Variants in SASS6 observed in about 807,000 individuals in gnomAD.
SASS6 encodes SAS-6 centriolar assembly protein.
In SASS6, 59 loss-of-function variants were observed where a neutral mutation model predicts 94.9. The observed-to-expected ratio is 0.62, with a 90% CI of 0.50 to 0.77. The LOEUF is 0.77. Among genes scored for constraint, SASS6 ranks in the 30% least tolerant of loss-of-function variants. SASS6 has a pLI of 0.00. For synonymous variants in SASS6, 264 were observed against 270.0 expected (o/e 0.98, Z 0.22); for missense variants, 698 against 734.1 (o/e 0.95, Z 0.57).
chr1:100,106,375 T>C (rs886465666), intron 12 of SASS6, among the ~76,000 whole-genome samples: 5 of 152,204 alleles, frequency 3.3e-5, no homozygotes, highest in African/African-American at 1.2e-4. Flanking sequence ...ACAGTTTTAA[T>C]TGTGGGTTAC....
chr1:100,124,188 T>C (rs1440421749), intron 2 of SASS6, among the ~76,000 whole-genome samples: 1 of 152,172 alleles, frequency 6.6e-6, no homozygotes, highest in Non-Finnish European at 1.5e-5. Context: ...AAGTATAATA[T>C]ATCATCTCTA....
intron 5 of SASS6, among the ~76,000 whole-genome samples, chr1:100,120,694 G>C (rs1253857565): frequency 6.6e-6 from 1 of 152,180 alleles, no homozygotes; most frequent in African/African-American, 2.4e-5. Flanking sequence ...TCCCTATGTT[G>C]TTTCCTTGTG....
intron 2 of SASS6, among the ~76,000 whole-genome samples, chr1:100,125,009 C>T (rs1172002013): frequency 3.3e-5 from 5 of 152,094 alleles, no homozygotes; most frequent in South Asian, 2.1e-4. Context: ...GGCCACAGAC[C>T]GTACCAGTAA....
At chr1:100,112,766 T>C (rs557225933) in intron 7 of SASS6, among the ~76,000 whole-genome samples, 16 of 152,322 alleles carry the variant, frequency 1.1e-4, no homozygotes, top group Admixed American at 2.0e-4. Context: ...GTTATCAAAG[T>C]ACGGTCCTCT....
Position 100,088,210 on chromosome 1 carries a change from T to C in SASS6, c.1701A>G (p.Lys567=). The change falls in exon 15 of 17, where the codon AAA becomes AAG. Residue 567 remains lysine (K), a synonymous_variant. Coordinates refer to ENST00000287482, the MANE Select transcript of SASS6 (RefSeq NM_194292.3). ...GAACATCTCCTAGTGATGCATTTGG[T>C]TTTGTAAACTGCAAATTAAACTGAA... is the stretch of plus-strand genomic sequence containing the variant. ...TKVQFNLQFT[K]PNASLGDVQS... 2 of 1,598,940 alleles carry C rather than the reference T, an allele frequency of 1.3e-6. No homozygotes were observed. The highest frequency in any genetic ancestry group is 1.7e-6 in the Non-Finnish European group (2 of 1,166,616).
intron 14 of SASS6, among the ~76,000 whole-genome samples, chr1:100,091,778 AAAT>A (rs1279746655): frequency 2.0e-5 from 3 of 151,930 alleles, no homozygotes; most frequent in Admixed American, 2.0e-4. Context: ...AAAACAGAAA[AAAT>A]AAGAATGGAA....
chr1:100,106,680 C>T (rs1021102617), intron 12 of SASS6, among the ~76,000 whole-genome samples: 4 of 151,984 alleles, frequency 2.6e-5, no homozygotes, highest in African/African-American at 9.7e-5. Flanking sequence ...GATAAAATCT[C>T]GTCTCTACAA....
At chr1:100,093,400 T>C (rs982110962) in intron 14 of SASS6, among the ~76,000 whole-genome samples, 12 of 152,204 alleles carry the variant, frequency 7.9e-5, no homozygotes, top group Non-Finnish European at 1.6e-4. Context: ...TATAGATTTC[T>C]AGTTTAATTC....
Position 100,084,180 on chromosome 1 carries a change from C to T in SASS6, c.*1148G>A, listed in dbSNP as rs1651056779. ...AAAATTAGCAAAGATTCTTTCTTAC[C>T]ATGGGACTCAGTAATGTTATTACAT... is the stretch of plus-strand genomic sequence containing the variant. On this transcript the variant is annotated 3_prime_UTR_variant, in exon 17 of 17. Coordinates refer to ENST00000287482, the MANE Select transcript of SASS6 (RefSeq NM_194292.3). 1.3e-5 allele frequency: 2 copies of T among 151,344 alleles called. 1 individual carries two copies. The highest frequency in any genetic ancestry group is 4.2e-4 in the South Asian group (2 of 4,806). 9.4% of individuals were successfully genotyped at this position (151,344 alleles called of 1,614,324 possible). A position where few individuals can be genotyped will look rare whatever the true frequency, so the allele number is the denominator to read the frequency against.
rs117914916 is a variant in SASS6, at chr1:100,101,840, T to C, written c.1674+1115A>G. ...GAGAATTCTCCATAGCTACTGGCAA[T>C]AATAAGGCTATGGCTAAAAAGAGCA... is the stretch of plus-strand genomic sequence containing the variant. On this transcript the variant is annotated intron_variant, in intron 14 of 16. Coordinates refer to ENST00000287482, the MANE Select transcript of SASS6 (RefSeq NM_194292.3). 1.2e-4 allele frequency among the ~76,000 whole-genome samples: 19 copies of C among 152,330 alleles called. No individual in the cohort carries two copies. In the East Asian group the frequency reaches 3.7e-3, roughly 29 times the overall value.
intron 1 of SASS6, among the ~76,000 whole-genome samples, chr1:100,126,788 T>C (rs1299856358): frequency 6.6e-6 from 1 of 151,946 alleles, no homozygotes; most frequent in Non-Finnish European, 1.5e-5. Context: ...TAAAATAAAA[T>C]AAAATAAAAA....
Position 100,094,219 on chromosome 1 carries a change from T to A in SASS6, c.1675-5983A>T, listed in dbSNP as rs140706651. Among the ~76,000 whole-genome samples the A allele has an allele frequency of 8.3e-3, 1,271 of 152,302 alleles. 11 individuals carry two copies. Among genetic ancestry groups the A allele is most frequent in the Non-Finnish European group, 0.013 (902 of 68,020 alleles). ...TTAAAATTTAGATTAAATGATTTAA[T>A]CCTGTGAAAGTCACAAACTATCGAA... On this transcript the variant is annotated intron_variant, in intron 14 of 16. Transcript: ENST00000287482.
chr1:100,120,592 A>C, intron 5 of SASS6, 133 bp from the exon 6 acceptor site: 1 of 555,980 alleles, frequency 1.8e-6, no homozygotes, highest in South Asian at 2.5e-5. Context: ...CTCAAATCTA[A>C]ATCATTTTAA....
chr1:100,131,243 T>G (rs2101699503), intron 1 of SASS6, among the ~76,000 whole-genome samples: 1 of 147,226 alleles, frequency 6.8e-6, no homozygotes, highest in African/African-American at 2.6e-5. Flanking sequence ...CAGGCTGGAG[T>G]ACAGTGGCAC....
At chr1:100,090,988 C>T (rs1460791662) in intron 14 of SASS6, among the ~76,000 whole-genome samples, 2 of 152,118 alleles carry the variant, frequency 1.3e-5, no homozygotes, top group Non-Finnish European at 2.9e-5. Context: ...ATCCAAACAG[C>T]ATGACATGAC....
At chr1:100,129,368 T>A (rs930153382) in intron 1 of SASS6, among the ~76,000 whole-genome samples, 1 of 152,188 alleles carries the variant, frequency 6.6e-6, no homozygotes, top group African/African-American at 2.4e-5. Flanking sequence ...TGATTGCATT[T>A]TAGGGCTCCA....
At chr1:100,122,612 G>C (rs1259137831) in intron 3 of SASS6, 128 bp from the exon 4 acceptor site, 4 of 416,464 alleles carry the variant, frequency 9.6e-6, no homozygotes, top group Non-Finnish European at 1.7e-5. Flanking sequence ...GAGTGCAGTG[G>C]TGCAATCTTG....
chr1:100,105,036 T>C (rs1652787594), intron 13 of SASS6, among the ~76,000 whole-genome samples: 1 of 152,134 alleles, frequency 6.6e-6, no homozygotes, highest in Admixed American at 6.5e-5. Flanking sequence ...GTGACAAGCC[T>C]GCTAATAGGA....
intron 14 of SASS6, among the ~76,000 whole-genome samples, chr1:100,097,250 T>C (rs1652168029): frequency 6.6e-6 from 1 of 152,172 alleles, no homozygotes; most frequent in East Asian, 1.9e-4. Context: ...TAAAAACACT[T>C]TGGAAAAGTT....
Sources: gnomAD v4.1 joint callset for allele counts (sites outside exome capture counted in the v4.1 genomes callset) on GRCh38, gnomAD v4.1.1 for gene constraint, MANE v1.5 for transcripts, NCBI Gene and HGNC (gene_info 2026-07-23, HGNC 2026-07-21) for gene names.